The following SHISA9 variants were observed in gnomAD, a reference collection of about 807,000 sequenced individuals.
SHISA9 encodes protein shisa-9.
Under a neutral mutation model 38.0 loss-of-function variants are expected in SHISA9, and 13 were observed. That is an observed-to-expected ratio of 0.34 (90% CI 0.22 to 0.54). The LOEUF is 0.54. SHISA9 is among the 20% of genes least tolerant of loss of function. The probability of loss-of-function intolerance (pLI) is 0.91; values close to 1 mark genes in which losing one functional copy is unlikely to be tolerated. For missense variants in SHISA9, 538 were observed against 575.8 expected (o/e 0.93, Z 0.67); for synonymous variants, 275 against 242.0 (o/e 1.14, Z -1.27).
At chr16:13,014,801 T>A (rs2141856225) in intron 2 of SHISA9, among the ~76,000 whole-genome samples, 1 of 152,366 alleles carries the variant, frequency 6.6e-6, no homozygotes, top group East Asian at 1.9e-4. Flanking sequence ...AGTGGGACTT[T>A]GTTCTTTTGT....
At chr16:13,412,537 G>A in the SHISA9 span, among the ~76,000 whole-genome samples, 1 of 151,840 alleles carries the variant, frequency 6.6e-6, no homozygotes, top group South Asian at 2.1e-4. Context: ...AACCTCTTGT[G>A]GTTCCTGACT....
chr16:13,492,042 C>G, the SHISA9 span, among the ~76,000 whole-genome samples: 3 of 151,520 alleles, frequency 2.0e-5, no homozygotes, highest in East Asian at 5.8e-4. Context: ...GTTTTAGATT[C>G]CAGACCCCAC....
At chr16:13,355,122 G>C in the SHISA9 span, among the ~76,000 whole-genome samples, 20 of 150,332 alleles carry the variant, frequency 1.3e-4, no homozygotes, top group Admixed American at 2.7e-4. Flanking sequence ...TTGGCACCAC[G>C]GGGTGGATAG....
the SHISA9 span, among the ~76,000 whole-genome samples, chr16:13,408,456 C>T: frequency 6.6e-6 from 1 of 152,054 alleles, no homozygotes; most frequent in South Asian, 2.1e-4. Context: ...GGTCTGTCTT[C>T]ATATGACAAT....
the SHISA9 span, among the ~76,000 whole-genome samples, chr16:13,261,035 C>A: frequency 6.6e-6 from 1 of 152,076 alleles, no homozygotes; most frequent in Non-Finnish European, 1.5e-5. Context: ...TTCACTATCA[C>A]AAGAATAGCA....
chr16:13,458,960 C>A, the SHISA9 span, among the ~76,000 whole-genome samples: 1 of 151,814 alleles, frequency 6.6e-6, no homozygotes, highest in African/African-American at 2.4e-5. Context: ...CTGCGCTTCT[C>A]AGGTTCCAGA....
chr16:13,423,969 T>G, the SHISA9 span, among the ~76,000 whole-genome samples: 6 of 152,218 alleles, frequency 3.9e-5, no homozygotes, highest in East Asian at 1.2e-3. Flanking sequence ...AAGAGCTCTG[T>G]CCCTTTTAAG....
chr16:13,362,570 G>A, the SHISA9 span, among the ~76,000 whole-genome samples: 1 of 152,204 alleles, frequency 6.6e-6, no homozygotes, highest in Non-Finnish European at 1.5e-5. Context: ...TGGAGAAGAG[G>A]ATTCTGGATG....
intron 2 of SHISA9, among the ~76,000 whole-genome samples, chr16:13,013,551 C>G (rs2072704528): frequency 6.6e-6 from 1 of 152,030 alleles, no homozygotes; most frequent in Admixed American, 6.5e-5. Context: ...TCTAGACTTC[C>G]TACATGCTAA....
Position 13,183,805 on chromosome 16 carries a change from G to A in SHISA9, c.692-19589G>A, listed in dbSNP as rs561906740. Among the ~76,000 whole-genome samples, 39 of 152,220 alleles carry A rather than the reference G, an allele frequency of 2.6e-4. No individual in the cohort carries two copies. The South Asian group carries it at 8.1e-3, about 32-fold the overall frequency. On this transcript the variant is annotated intron_variant, in intron 2 of 4. Coordinates refer to ENST00000558583, the MANE Select transcript of SHISA9 (RefSeq NM_001145204.3). Reference sequence around the variant, plus strand: ...CTCTTGGCTCTGTTTCCATGGATTTGAATTCTTCCACTTTTGAGTTTATCT... The same window carrying A: ...CTCTTGGCTCTGTTTCCATGGATTTAAATTCTTCCACTTTTGAGTTTATCT...
intron 2 of SHISA9, among the ~76,000 whole-genome samples, chr16:13,191,542 C>T (rs1166483589): frequency 6.6e-6 from 1 of 152,174 alleles, no homozygotes; most frequent in East Asian, 1.9e-4. Context: ...ACAGTGACCC[C>T]ATGAGGAAGC....
intron 2 of SHISA9, among the ~76,000 whole-genome samples, chr16:12,921,651 G>C (rs1369765264): frequency 3.3e-5 from 5 of 152,118 alleles, no homozygotes; most frequent in Non-Finnish European, 5.9e-5. Context: ...CACACCAGTA[G>C]TGACAGCTAG....
the SHISA9 span, among the ~76,000 whole-genome samples, chr16:13,262,508 C>G: frequency 6.6e-6 from 1 of 152,136 alleles, no homozygotes. Flanking sequence ...GCCCAATAGC[C>G]TGGAGGATCT....
At chr16:13,469,412 AG>A in the SHISA9 span, among the ~76,000 whole-genome samples, 28 of 128,644 alleles carry the variant, frequency 2.2e-4, no homozygotes, top group African/African-American at 7.5e-4. Flanking sequence ...AAAGAAAGAA[AG>A]AAAGAAAGAA....
At chr16:13,538,661 G>GA in the SHISA9 span, among the ~76,000 whole-genome samples, 2 of 152,144 alleles carry the variant, frequency 1.3e-5, no homozygotes, top group African/African-American at 4.8e-5. Context: ...GAAACAAGAT[G>GA]AAAAAGCTAT....
chr16:12,948,479 A>G (rs1225539764), intron 2 of SHISA9, among the ~76,000 whole-genome samples: 3 of 152,274 alleles, frequency 2.0e-5, no homozygotes, highest in Non-Finnish European at 4.4e-5. Context: ...AGCTGCTATA[A>G]CAAAATACCA....
At chr16:13,405,669 T>G in the SHISA9 span, among the ~76,000 whole-genome samples, 1 of 152,160 alleles carries the variant, frequency 6.6e-6, no homozygotes, top group Non-Finnish European at 1.5e-5. Flanking sequence ...GGTGTCAGCT[T>G]TATGTCCATG....
intron 2 of SHISA9, among the ~76,000 whole-genome samples, chr16:13,076,122 C>G (rs1389138522): frequency 6.6e-6 from 1 of 151,876 alleles, no homozygotes; most frequent in Non-Finnish European, 1.5e-5. Flanking sequence ...CCTCCACCTC[C>G]CATGTTCAAG....
chr16:13,352,773 T>C, the SHISA9 span, among the ~76,000 whole-genome samples: 1 of 143,014 alleles, frequency 7.0e-6, no homozygotes, highest in African/African-American at 2.7e-5. Flanking sequence ...GGGTTTGTTC[T>C]CTGGCGGGCA....
Sources: allele counts gnomAD v4.1 joint callset (sites outside exome capture counted in the v4.1 genomes callset), GRCh38; gene constraint gnomAD v4.1.1; transcripts MANE v1.5; gene names NCBI Gene and HGNC (gene_info 2026-07-23, HGNC 2026-07-21).